SBNO2: variants seen among roughly 807,000 people sequenced by gnomAD.
SBNO2 encodes protein strawberry notch homolog 2.
A neutral mutation model predicts 146.3 loss-of-function variants in SBNO2; 89 were observed. The ratio of observed to expected loss-of-function variants is 0.61; its 90% confidence interval spans 0.51 to 0.73. The LOEUF is 0.73. Among genes scored for constraint, SBNO2 ranks in the 30% least tolerant of loss-of-function variants. SBNO2 has a pLI of 0.00. For synonymous variants in SBNO2, 1,147 were observed against 892.6 expected (o/e 1.29, Z -5.08); for missense variants, 2,092 against 2,003.7 (o/e 1.04, Z -0.84).
chr19:1,164,651 GAGGAGGAGGAGGAGGAAC>G (rs2080389060), intron 1 of SBNO2, among the ~76,000 whole-genome samples: 1 of 115,104 alleles, frequency 8.7e-6, no homozygotes, highest in Non-Finnish European at 1.9e-5. Context: ...GGAGGAACAG[GAGGAGGAGGAGGAGGAAC>G]AGGAGGAGGA....
In SBNO2 at chr19:1,108,936, C is replaced by T. The variant is rs1222263950; in HGVS notation, c.3459G>A (p.Lys1153=). The change falls in exon 31 of 32, where the codon AAG becomes AAA. Residue 1153 remains lysine, a synonymous_variant. Coordinates refer to ENST00000361757, the MANE Select transcript of SBNO2 (RefSeq NM_014963.3). ...GCAGCCGCAGCCCCTGCAGGCAGTCCTTACCCTCCTGCGCCAGCCGGCAGT... is the reference window on the plus strand; with the variant it reads ...GCAGCCGCAGCCCCTGCAGGCAGTCTTTACCCTCCTGCGCCAGCCGGCAGT... The part of the protein sequence containing the change: ...NRHCRLAQEG[K]DCLQGLRLRH... The T allele has an allele frequency of 1.3e-6, 2 of 1,564,934 alleles. No homozygotes were observed. The highest frequency in any genetic ancestry group is 1.8e-5 in the Admixed American group (1 of 55,164).
At position 1,109,261 on chromosome 19, in the gene SBNO2, C is replaced by G. The variant is rs1261602203; in HGVS notation, c.3348+31G>C. On this transcript the variant is annotated intron_variant, in intron 29 of 31. Transcript: ENST00000361757. The surrounding 1 kb of genome is among the most constrained non-coding windows in gnomAD (Gnocchi z 4.2). ...CTGGGCGGGGTCAGGGCCGGCAACC[C>G]GAGCGAAAGCTGCGCCCGGCGGCCG... 6.3e-7 allele frequency: 1 copy of G among 1,580,404 alleles called. No homozygotes were observed. Among genetic ancestry groups the G allele is most frequent in the Admixed American group, 1.8e-5 (1 of 55,004 alleles).
chr19:1,132,224 G>C, intron 4 of SBNO2: 1 of 1,322,336 alleles, frequency 7.6e-7, no homozygotes, highest in Middle Eastern at 2.2e-4. Context: ...CCAGCATTGG[G>C]TCGGCCGGGG....
chr19:1,122,038 T>C, intron 11 of SBNO2, 101 bp downstream of exon 11: 1 of 436,752 alleles, frequency 2.3e-6, no homozygotes, highest in Non-Finnish European at 3.0e-6. Flanking sequence ...CCTGCCCTCC[T>C]CTCCCCTGAC....
At chr19:1,121,466 A>G (rs978184001) in intron 11 of SBNO2, among the ~76,000 whole-genome samples, 17 of 152,218 alleles carry the variant, frequency 1.1e-4, no homozygotes, top group Non-Finnish European at 2.2e-4. Flanking sequence ...TGTCCTGTGC[A>G]TGAAGTGGAT....
chr19:1,173,238 C>T lies in SBNO2; in HGVS notation c.-127+934G>A, dbSNP rs2080498651. On this transcript the variant is annotated intron_variant, in intron 1 of 31. Transcript: ENST00000361757. The surrounding 1 kb of genome is among the most constrained non-coding windows in gnomAD (Gnocchi z 4.7). Reference sequence around the variant, plus strand: ...ACGGGGGACAGGACCCACCAGGAGGCCTGCGCTTCCCCTTCACCGACACAC... The same window carrying T: ...ACGGGGGACAGGACCCACCAGGAGGTCTGCGCTTCCCCTTCACCGACACAC... Among the ~76,000 whole-genome samples the T allele has an allele frequency of 6.6e-6, 1 of 152,104 alleles. No individual in the cohort carries two copies. Among genetic ancestry groups the T allele is most frequent in the African/African-American group, 2.4e-5 (1 of 41,422 alleles).
chr19:1,145,508 G>C (rs1212685124), intron 4 of SBNO2, among the ~76,000 whole-genome samples: 1 of 151,458 alleles, frequency 6.6e-6, no homozygotes, highest in Non-Finnish European at 1.5e-5. Flanking sequence ...AAAGGAAAGA[G>C]AGAAGGAACA....
chr19:1,132,816 G>C (rs1330836951), intron 4 of SBNO2, among the ~76,000 whole-genome samples: 1 of 151,620 alleles, frequency 6.6e-6, no homozygotes, highest in East Asian at 1.9e-4. Flanking sequence ...GGCTGGCGGA[G>C]GGAGAGCTGA....
Position 1,144,583 on chromosome 19 carries a change from C to T in SBNO2, c.279+2726G>A, listed in dbSNP as rs1038882800. Reference sequence around the variant, plus strand: ...AGACAGAGACAGGGAGACAGAGACGCAGAGACATAGAGACATAGAGACAGA... The same window carrying T: ...AGACAGAGACAGGGAGACAGAGACGTAGAGACATAGAGACATAGAGACAGA... On this transcript the variant is annotated intron_variant, in intron 4 of 31. Transcript: ENST00000361757. This position sits in a 1 kb window ranked among gnomAD's most constrained non-coding sequence, Gnocchi z 4.1. Among the ~76,000 whole-genome samples the T allele has an allele frequency of 2.7e-5, 4 of 149,158 alleles. No homozygotes were observed. Among genetic ancestry groups the T allele is most frequent in the African/African-American group, 5.0e-5 (2 of 40,298 alleles).
chr19:1,133,773 C>T (rs2080058474), intron 4 of SBNO2, among the ~76,000 whole-genome samples: 1 of 152,216 alleles, frequency 6.6e-6, no homozygotes, highest in African/African-American at 2.4e-5. Flanking sequence ...CCAATCACAG[C>T]CACCGCTCAA....
rs563306323 is a variant in SBNO2, at chr19:1,146,226, C to T, written c.279+1083G>A. ...CAGGAAGGTCCCCTCACAGACTCTACTGGGGAGGCGGACTTGACGGACGCG... is the reference window on the plus strand; with the variant it reads ...CAGGAAGGTCCCCTCACAGACTCTATTGGGGAGGCGGACTTGACGGACGCG... On this transcript the variant is annotated intron_variant, in intron 4 of 31. Transcript: ENST00000361757. Among the ~76,000 whole-genome samples, 3 of 152,298 alleles carry T rather than the reference C, an allele frequency of 2.0e-5. No homozygotes were observed. The East Asian group carries it at 5.8e-4, about 29-fold the overall frequency.
At chr19:1,171,001 C>T (rs979714801) in intron 1 of SBNO2, among the ~76,000 whole-genome samples, 1 of 151,994 alleles carries the variant, frequency 6.6e-6, no homozygotes, top group Admixed American at 6.6e-5. Flanking sequence ...GACAGGCACA[C>T]AGGCACGGGC....
Position 1,150,710 on chromosome 19 carries a change from C to G in SBNO2, c.94-1268G>C, listed in dbSNP as rs966331433. Among the ~76,000 whole-genome samples the G allele has an allele frequency of 3.0e-4, 45 of 152,316 alleles. No individual in the cohort carries two copies. The highest frequency in any genetic ancestry group is 1.0e-3 in the African/African-American group (43 of 41,572). Reference sequence around the variant, plus strand: ...GACCTCTCCCAGGCCCACGTGAGCCCTGCTCCTCTATGAGGCCCTGATGCA... The same window carrying G: ...GACCTCTCCCAGGCCCACGTGAGCCGTGCTCCTCTATGAGGCCCTGATGCA... On this transcript the variant is annotated intron_variant, in intron 2 of 31. Transcript: ENST00000361757. This position sits in a 1 kb window ranked among gnomAD's most constrained non-coding sequence, Gnocchi z 6.2.
intron 1 of SBNO2, among the ~76,000 whole-genome samples, chr19:1,171,385 G>A (rs1432813593): frequency 5.3e-5 from 8 of 152,166 alleles, no homozygotes; most frequent in African/African-American, 9.7e-5. Context: ...TGCACATGGC[G>A]CAACATACAG....
rs979297114 is a variant in SBNO2, at chr19:1,144,296, G to A, written c.279+3013C>T. ...CGCGGCCCGGCCCACACTTGGCACC[G>A]GGGTCAGACTTCCTCCAAATGAAGT... On this transcript the variant is annotated intron_variant, in intron 4 of 31. Transcript: ENST00000361757. The surrounding 1 kb of genome is among the most constrained non-coding windows in gnomAD (Gnocchi z 4.1). Among the ~76,000 whole-genome samples the A allele has an allele frequency of 7.9e-5, 12 of 152,202 alleles. No homozygotes were observed. The highest frequency in any genetic ancestry group is 2.0e-4 in the Admixed American group (3 of 15,286).
chr19:1,121,885 C>G (rs1309033021), intron 11 of SBNO2, among the ~76,000 whole-genome samples: 1 of 152,190 alleles, frequency 6.6e-6, no homozygotes, highest in Non-Finnish European at 1.5e-5. Context: ...ACAGGGCCAG[C>G]CTCCCAGGAC....
At position 1,144,919 on chromosome 19, in the gene SBNO2, GAC is replaced by G. The variant is rs1259284623; in HGVS notation, c.279+2388_279+2389del. ...AGACAGAGGCGGAGATGGAGACAGAGACAGAGAGACAGAGACAGAGAGGGAGA... is the reference window on the plus strand; with the variant it reads ...AGACAGAGGCGGAGATGGAGACAGAGAGAGAGACAGAGACAGAGAGGGAGA... On this transcript the variant is annotated intron_variant, in intron 4 of 31. Transcript: ENST00000361757. The surrounding 1 kb of genome is among the most constrained non-coding windows in gnomAD (Gnocchi z 4.1). Among the ~76,000 whole-genome samples the G allele has an allele frequency of 1.3e-5, 2 of 150,910 alleles. No homozygotes were observed. The highest frequency in any genetic ancestry group is 6.6e-5 in the Admixed American group (1 of 15,144).
chr19:1,114,373 T>C lies in SBNO2; in HGVS notation c.1935A>G (p.Thr645=). ...CGTCACTGATGCGGATGACGCCCGC[T>C]GTCTCGCACGCCAGCCGGGGGGCTT... ...GAKAPRLACE[T]AGVIRISDDS... Residue 645 remains threonine (T), a synonymous_variant, in exon 18 of 32, where the codon ACA becomes ACG. Transcript: ENST00000361757. 6.4e-7 allele frequency: 1 copy of C among 1,554,970 alleles called. No homozygotes were observed. The highest frequency in any genetic ancestry group is 8.7e-7 in the Non-Finnish European group (1 of 1,149,362).
At chr19:1,147,939 G>A (rs1292278991) in intron 3 of SBNO2, among the ~76,000 whole-genome samples, 1 of 152,146 alleles carries the variant, frequency 6.6e-6, no homozygotes, top group Non-Finnish European at 1.5e-5. Flanking sequence ...AGAAGGTCCT[G>A]GGGGCCCCCC....
Sources: allele counts gnomAD v4.1 joint callset (sites outside exome capture counted in the v4.1 genomes callset), GRCh38; gene constraint gnomAD v4.1.1; non-coding constraint Gnocchi (gnomAD v3.1); transcripts MANE v1.5; gene names NCBI Gene and HGNC (gene_info 2026-07-23, HGNC 2026-07-21).